EGFLAM: variants seen among roughly 807,000 people sequenced by gnomAD.
The protein encoded by EGFLAM is EGF like, fibronectin type III and laminin G domains, also known as pikachurin.
A neutral mutation model predicts 113.1 loss-of-function variants in EGFLAM; 79 were observed. That is an observed-to-expected ratio of 0.70 (90% CI 0.58 to 0.84). The LOEUF (loss-of-function observed/expected upper bound fraction) is 0.84, where lower values mean the gene tolerates loss of function less well. EGFLAM is among the 40% of genes least tolerant of loss of function. The pLI is 0.00. For missense variants in EGFLAM, 1,265 were observed against 1,291.6 expected (o/e 0.98, Z 0.32); for synonymous variants, 504 against 487.6 (o/e 1.03, Z -0.44).
intron 12 of EGFLAM, among the ~76,000 whole-genome samples, chr5:38,420,231 A>G (rs1741780882): frequency 6.6e-6 from 1 of 152,206 alleles, no homozygotes; most frequent in African/African-American, 2.4e-5. Context: ...TCACTCCTAT[A>G]GGTGATGCCA....
At chr5:38,375,964 G>A (rs947895064) in intron 6 of EGFLAM, among the ~76,000 whole-genome samples, 5 of 152,162 alleles carry the variant, frequency 3.3e-5, no homozygotes, top group African/African-American at 7.2e-5. Flanking sequence ...CCTGGGAGGC[G>A]TTCCACACAA....
rs1420267990 is a variant in EGFLAM, at chr5:38,265,194, G to A, written c.97+6343G>A. ...AGAGCCGAGGGCTTTAATAACCTTAGCATTCTTTGGGGAATAGTAGTCCAT... is the reference window on the plus strand; with the variant it reads ...AGAGCCGAGGGCTTTAATAACCTTAACATTCTTTGGGGAATAGTAGTCCAT... On this transcript the variant is annotated intron_variant, in intron 1 of 21. Coordinates refer to ENST00000322350, the MANE Select transcript of EGFLAM (RefSeq NM_152403.4). Among the ~76,000 whole-genome samples, 3 of 152,284 alleles carry A rather than the reference G, an allele frequency of 2.0e-5. No homozygotes were observed. The East Asian group carries it at 5.8e-4, about 29-fold the overall frequency.
At chr5:38,429,949 A>T (rs1371104982) in intron 14 of EGFLAM, 1 of 208,296 alleles carries the variant, frequency 4.8e-6, no homozygotes, top group Admixed American at 4.4e-5. Flanking sequence ...CCTCTCTTCA[A>T]ACTTGACCTT....
intron 1 of EGFLAM, among the ~76,000 whole-genome samples, chr5:38,280,494 C>G (rs1359678880): frequency 1.3e-5 from 2 of 152,148 alleles, no homozygotes; most frequent in East Asian, 3.9e-4. Context: ...TTTCTTTTCC[C>G]CACTTCCCCC....
At chr5:38,402,299 C>G (rs188879521) in intron 6 of EGFLAM, among the ~76,000 whole-genome samples, 6 of 152,184 alleles carry the variant, frequency 3.9e-5, no homozygotes, top group Admixed American at 3.9e-4. Flanking sequence ...AAAGAGAGAC[C>G]AAGGATAAAA....
intron 5 of EGFLAM, among the ~76,000 whole-genome samples, chr5:38,355,724 G>A (rs1238836955): frequency 1.3e-5 from 2 of 152,136 alleles, no homozygotes; most frequent in African/African-American, 4.8e-5. Flanking sequence ...TTAACATTTA[G>A]AGCTGTCTAA....
intron 14 of EGFLAM, among the ~76,000 whole-genome samples, chr5:38,427,763 T>G (rs1742063904): frequency 6.6e-6 from 1 of 152,210 alleles, no homozygotes; most frequent in Admixed American, 6.5e-5. Flanking sequence ...TGACAGTGAA[T>G]CATCAGCAAT....
chr5:38,445,666 T>C, intron 17 of EGFLAM: 1 of 1,598,478 alleles, frequency 6.3e-7, no homozygotes, highest in African/African-American at 1.3e-5. Flanking sequence ...TCTTTCATGC[T>C]GGCACCGGGC....
chr5:38,346,282 T>G (rs149831212), intron 3 of EGFLAM, among the ~76,000 whole-genome samples: 2 of 152,360 alleles, frequency 1.3e-5, no homozygotes, highest in East Asian at 3.9e-4. Context: ...TAATCTAGTT[T>G]CCAGTGATTA....
At chr5:38,277,540 TGTACTAGAAGTTCTAG>T (rs1251461670) in intron 1 of EGFLAM, among the ~76,000 whole-genome samples, 2 of 152,228 alleles carry the variant, frequency 1.3e-5, no homozygotes, top group African/African-American at 2.4e-5. Context: ...TATTAAACAT[TGTACTAGAAGTTCTAG>T]CCAGAGAAAT....
rs1370348744 is a variant in EGFLAM at position 38,350,542 on chromosome 5, T to A, written c.333T>A (p.Arg111=). Residue 111 remains arginine, a synonymous_variant, in exon 4 of 22, where the codon CGT becomes CGA. Coordinates refer to ENST00000322350, the MANE Select transcript of EGFLAM (RefSeq NM_152403.4). The stretch of plus-strand genomic sequence containing the variant: ...ATTTGAAACCAGGCACTGAATATCG[T>A]GTGAGCATAGCAGCTTACAGCCAGG... ...IGDLKPGTEY[R]VSIAAYSQAG... is the part of the protein sequence containing the mutation. The A allele has an allele frequency of 6.2e-7, 1 of 1,614,030 alleles. No individual in the cohort carries two copies. The highest frequency in any genetic ancestry group is 8.5e-7 in the Non-Finnish European group (1 of 1,179,940).
At chr5:38,360,223 T>A (rs1311981101) in intron 5 of EGFLAM, among the ~76,000 whole-genome samples, 5 of 152,228 alleles carry the variant, frequency 3.3e-5, no homozygotes, top group African/African-American at 9.6e-5. Context: ...AGAGATGATG[T>A]GATTTGACTC....
intron 20 of EGFLAM, among the ~76,000 whole-genome samples, chr5:38,459,653 T>A (rs1743208158): frequency 6.6e-6 from 1 of 152,128 alleles, no homozygotes; most frequent in Non-Finnish European, 1.5e-5. Context: ...GGTAAAGTCA[T>A]GAGTGAGGCC....
chr5:38,452,357 T>C (rs1742948679), intron 19 of EGFLAM, among the ~76,000 whole-genome samples: 1 of 152,152 alleles, frequency 6.6e-6, no homozygotes, highest in South Asian at 2.1e-4. Flanking sequence ...ATATATTGCC[T>C]GTGGCCATGT....
At chr5:38,281,142 A>G (rs550744846) in intron 1 of EGFLAM, among the ~76,000 whole-genome samples, 1 of 152,348 alleles carries the variant, frequency 6.6e-6, no homozygotes, top group African/African-American at 2.4e-5. Flanking sequence ...CCTTGTGCCT[A>G]GAGTCAACAA....
rs778877505 is a variant in EGFLAM at position 38,408,997 on chromosome 5, A to G, written c.1249-7A>G. The G allele has an allele frequency of 3.2e-6, 5 of 1,578,412 alleles. No homozygotes were observed. In the South Asian group the frequency reaches 3.5e-5, roughly 11 times the overall value. On this transcript the variant is annotated splice_region_variant and splice_polypyrimidine_tract_variant and intron_variant, in intron 9 of 21. Coordinates refer to ENST00000322350, the MANE Select transcript of EGFLAM (RefSeq NM_152403.4). ...TGTTCATGTGGCTTTTGTTTGTATA[A>G]TCACAGGCGGAGGCAGAGGATGGCT...
intron 17 of EGFLAM, among the ~76,000 whole-genome samples, chr5:38,442,459 TAA>T (rs1450203004): frequency 6.7e-6 from 1 of 149,606 alleles, no homozygotes; most frequent in African/African-American, 2.4e-5. Flanking sequence ...TTTAATATAT[TAA>T]AAATAAGTCA....
intron 1 of EGFLAM, chr5:38,282,325 G>A (rs948634011): frequency 6.6e-6 from 1 of 152,208 alleles, no homozygotes; most frequent in East Asian, 1.9e-4. Context: ...GGGGAAGTGA[G>A]ACAAGGAGTC....
rs1171833413 is a variant in EGFLAM at position 38,268,478 on chromosome 5, TGTC to T, written c.97+9630_97+9632del. 7.9e-5 allele frequency among the ~76,000 whole-genome samples: 12 copies of T among 152,298 alleles called. No homozygotes were observed. The East Asian group carries it at 9.6e-4, about 12-fold the overall frequency. On this transcript the variant is annotated intron_variant, in intron 1 of 21. Coordinates refer to ENST00000322350, the MANE Select transcript of EGFLAM (RefSeq NM_152403.4). ...ACCCAACTATACGGTTTCTGGGAAA[TGTC>T]GTTCAGTAGTGTGCACAGGAAGAAA...
Sources: allele counts gnomAD v4.1 joint callset (sites outside exome capture counted in the v4.1 genomes callset), GRCh38; gene constraint gnomAD v4.1.1; transcripts MANE v1.5; gene names NCBI Gene and HGNC (gene_info 2026-07-23, HGNC 2026-07-21).